The following TBL1XR1 variants were observed in gnomAD, a reference collection of about 807,000 sequenced individuals.
TBL1XR1 encodes TBL1X/Y related 1.
A neutral mutation model predicts 66.9 loss-of-function variants in TBL1XR1; 5 were observed. That is an observed-to-expected ratio of 0.07 (90% CI 0.04 to 0.16). The LOEUF (loss-of-function observed/expected upper bound fraction) is 0.16. Among genes scored for constraint, TBL1XR1 ranks in the 10% least tolerant of loss-of-function variants. TBL1XR1 has a pLI of 1.00. For missense variants in TBL1XR1, 238 were observed against 623.2 expected, an observed-to-expected ratio of 0.38 and a Z score of 6.58; for synonymous variants, 210 against 206.0, an observed-to-expected ratio of 1.02 and a Z score of -0.17.
intron 6 of TBL1XR1, 79 bp downstream of exon 6, chr3:177,050,399 A>C (rs1010216209): frequency 5.9e-6 from 9 of 1,515,792 alleles, no homozygotes; most frequent in Non-Finnish European, 8.0e-6. Context: ...AACAACAGAA[A>C]ACCTGAATAA....
intron 2 of TBL1XR1, among the ~76,000 whole-genome samples, chr3:177,086,128 G>GT (rs1333504189): frequency 1.1e-4 from 16 of 150,130 alleles, no homozygotes; most frequent in African/African-American, 3.4e-4. Context: ...GTCCACACAC[G>GT]TAAGTTTTAA....
At chr3:177,034,391 T>TTAAG in intron 12 of TBL1XR1, 66 bp from the exon 13 acceptor site, 2 of 1,196,522 alleles carry the variant, frequency 1.7e-6, no homozygotes, top group African/African-American at 1.6e-5. Flanking sequence ...AAATATTATT[T>TTAAG]TGACACTTAA....
At chr3:177,128,662 C>T (rs1727936541) in intron 1 of TBL1XR1, among the ~76,000 whole-genome samples, 1 of 152,182 alleles carries the variant, frequency 6.6e-6, no homozygotes, top group Non-Finnish European at 1.5e-5. Context: ...GCGTGAGCCA[C>T]CGTGCCCAGC....
intron 1 of TBL1XR1, among the ~76,000 whole-genome samples, chr3:177,132,249 C>CT (rs1414366897): frequency 2.2e-4 from 34 of 152,294 alleles, no homozygotes; most frequent in Middle Eastern, 3.4e-3. Flanking sequence ...TGAGATTCCA[C>CT]TATGGGATCC....
At chr3:177,149,099 C>T (rs1577314850) in intron 1 of TBL1XR1, among the ~76,000 whole-genome samples, 1 of 152,252 alleles carries the variant, frequency 6.6e-6, no homozygotes. Flanking sequence ...CTTGCTCAGT[C>T]CCAAGACGGC....
At chr3:177,085,415 C>A (rs1003778850) in intron 2 of TBL1XR1, among the ~76,000 whole-genome samples, 2 of 152,146 alleles carry the variant, frequency 1.3e-5, no homozygotes, top group Non-Finnish European at 2.9e-5. Context: ...TGCTTGCTTT[C>A]ATTTAAAAAC....
intron 3 of TBL1XR1, among the ~76,000 whole-genome samples, chr3:177,059,380 T>C (rs991447101): frequency 4.6e-5 from 7 of 152,258 alleles, no homozygotes; most frequent in Admixed American, 1.3e-4. Context: ...GAATGAGCTA[T>C]ATGTTACATG....
chr3:177,177,306 C>G (rs1199386460), intron 1 of TBL1XR1, among the ~76,000 whole-genome samples: 1 of 151,932 alleles, frequency 6.6e-6, no homozygotes, highest in Non-Finnish European at 1.5e-5. Context: ...AAAAATTAAC[C>G]GGGTGTGGTG....
rs1553852678 is a variant in TBL1XR1 at position 177,135,307 on chromosome 3, C to CTGTCTGTGTGTGTGTGTGTGTGTG, written c.-121-36767_-121-36766insCACACACACACACACACACAGACA. Among the ~76,000 whole-genome samples the CTGTCTGTGTGTGTGTGTGTGTGTG allele has an allele frequency of 3.0e-4, 22 of 72,570 alleles. 2 individuals carry two copies. Among genetic ancestry groups the CTGTCTGTGTGTGTGTGTGTGTGTG allele is most frequent in the African/African-American group, 7.3e-4 (14 of 19,196 alleles). 47.6% of individuals were successfully genotyped at this position (72,570 alleles called of 152,430 possible). A position where few individuals can be genotyped will look rare whatever the true frequency, so the allele number is the denominator to read the frequency against. On this transcript the variant is annotated intron_variant, in intron 1 of 15. Transcript: ENST00000457928. ...GTGAGCCACCGCACAAGGCCGCACT[C>CTGTCTGTGTGTGTGTGTGTGTGTG]TGTGTGTGTGTGTGTGTGTGTGTGT...
At chr3:177,139,964 T>A (rs1249186635) in intron 1 of TBL1XR1, among the ~76,000 whole-genome samples, 1 of 152,184 alleles carries the variant, frequency 6.6e-6, no homozygotes, top group African/African-American at 2.4e-5. Flanking sequence ...AAGTAACAGG[T>A]GCTAGAAGAC....
chr3:177,144,191 A>G (rs1729965263), intron 1 of TBL1XR1, among the ~76,000 whole-genome samples: 1 of 151,856 alleles, frequency 6.6e-6, no homozygotes, highest in Non-Finnish European at 1.5e-5. Flanking sequence ...GGTTGGAGTG[A>G]GCTGAGATCA....
chr3:177,127,557 C>T (rs1474167976), intron 1 of TBL1XR1, among the ~76,000 whole-genome samples: 1 of 152,158 alleles, frequency 6.6e-6, no homozygotes, highest in African/African-American at 2.4e-5. Context: ...CATTAGACTA[C>T]TAGTATCAAC....
intron 1 of TBL1XR1, among the ~76,000 whole-genome samples, chr3:177,120,360 A>G (rs893453267): frequency 6.6e-6 from 1 of 152,114 alleles, no homozygotes; most frequent in Non-Finnish European, 1.5e-5. Flanking sequence ...CAGTCATTTT[A>G]TAGTGTTAGA....
chr3:177,149,352 T>G (rs1730619270), intron 1 of TBL1XR1, among the ~76,000 whole-genome samples: 1 of 152,222 alleles, frequency 6.6e-6, no homozygotes, highest in East Asian at 1.9e-4. Flanking sequence ...ACTCCCCCAA[T>G]GACTCTGTGA....
At chr3:177,052,444 G>A (rs1424267069) in intron 4 of TBL1XR1, among the ~76,000 whole-genome samples, 1 of 152,136 alleles carries the variant, frequency 6.6e-6, no homozygotes, top group Non-Finnish European at 1.5e-5. Context: ...GGTACTGTGA[G>A]CTGCAAAAAC....
intron 1 of TBL1XR1, among the ~76,000 whole-genome samples, chr3:177,181,915 C>G (rs903405201): frequency 1.5e-4 from 23 of 152,034 alleles, no homozygotes; most frequent in African/African-American, 5.3e-4. Context: ...CAAATAACAC[C>G]CCAATTCAGG....
chr3:177,157,816 G>A (rs905186819), intron 1 of TBL1XR1, among the ~76,000 whole-genome samples: 1 of 152,080 alleles, frequency 6.6e-6, no homozygotes, highest in South Asian at 2.1e-4. Flanking sequence ...TGGGAACAAG[G>A]GAACTTTTCC....
Position 177,047,333 on chromosome 3 carries a change from T to C in TBL1XR1, c.831A>G (p.Lys277=), listed in dbSNP as rs1716458829. Residue 277 remains lysine, a synonymous_variant, in exon 9 of 16, where the codon AAA becomes AAG. Transcript: ENST00000457928. ...GPIFALKWNK[K]GNFILSAGVD... ...CTCCAGCACTTAGGATGAAATTTCC[T>C]TTCTTATTCCATTTTAATGCAAATA... The C allele has an allele frequency of 1.3e-6, 2 of 1,567,110 alleles. No homozygotes were observed. The highest frequency in any genetic ancestry group is 1.7e-6 in the Non-Finnish European group (2 of 1,154,378).
At chr3:177,130,565 AC>A (rs1728180371) in intron 1 of TBL1XR1, among the ~76,000 whole-genome samples, 1 of 152,202 alleles carries the variant, frequency 6.6e-6, no homozygotes, top group African/African-American at 2.4e-5. Flanking sequence ...CACATAAAAA[AC>A]TAATAATACC....
Sources: allele counts gnomAD v4.1 joint callset (sites outside exome capture counted in the v4.1 genomes callset), GRCh38; gene constraint gnomAD v4.1.1; transcripts MANE v1.5; gene names NCBI Gene and HGNC (gene_info 2026-07-23, HGNC 2026-07-21).